The following HOMER1 variants were observed in gnomAD, a reference collection of about 807,000 sequenced individuals.
HOMER1 encodes the protein homer protein homolog 1.
In HOMER1, 3 loss-of-function variants were observed where a neutral mutation model predicts 48.9. The ratio of observed to expected loss-of-function variants is 0.06; its 90% CI spans 0.03 to 0.16. HOMER1 has a LOEUF of 0.16. HOMER1 is among the 10% of genes least tolerant of loss of function. HOMER1 has a pLI of 1.00. For synonymous variants in HOMER1, 134 were observed against 146.4 expected (o/e 0.92, Z 0.61); for missense variants, 247 against 411.4 (o/e 0.60, Z 3.46).
Position 79,491,075 on chromosome 5 carries a change from C to CAAAAAAAAAAAAAAAAA in HOMER1, c.5+21678_5+21694dup, listed in dbSNP as rs10527802. Among the ~76,000 whole-genome samples the CAAAAAAAAAAAAAAAAA allele has an allele frequency of 2.4e-4, 9 of 37,250 alleles. 1 individual carries two copies. The highest frequency in any genetic ancestry group is 5.5e-4 in the Non-Finnish European group (7 of 12,692). The allele number at this position is 37,250 out of a possible 152,430, so 24.4% of individuals were successfully genotyped here. On this transcript the variant is annotated intron_variant, in intron 1 of 8. Transcript: ENST00000334082. The stretch of plus-strand genomic sequence containing the variant: ...TTTTTGGCCTTCAGTAGTACCAAAG[C>CAAAAAAAAAAAAAAAAA]AAAAAAAAAAAAAAAAAAAAAAAAA...
rs575744848 is a variant in HOMER1, at chr5:79,415,538, C to G, written c.528-13483G>C. 4.6e-5 allele frequency among the ~76,000 whole-genome samples: 7 copies of G among 152,130 alleles called. No homozygotes were observed. The South Asian group carries it at 1.5e-3, about 32-fold the overall frequency. ...ATATATTACATGTGTACAAAAGAGG[C>G]TGATATTAAAATCTATGTCCACGTA... On this transcript the variant is annotated intron_variant, in intron 5 of 8. Transcript: ENST00000334082.
At chr5:79,392,903 C>T (rs537538492) in intron 8 of HOMER1, among the ~76,000 whole-genome samples, 6 of 149,576 alleles carry the variant, frequency 4.0e-5, no homozygotes, top group African/African-American at 1.5e-4. Context: ...GATACAAATA[C>T]ATGAATACTT....
intron 2 of HOMER1, among the ~76,000 whole-genome samples, chr5:79,456,443 G>C (rs964630387): frequency 2.0e-5 from 3 of 152,178 alleles, no homozygotes; most frequent in Non-Finnish European, 2.9e-5. Flanking sequence ...GTCAGCTTTA[G>C]TATTGACACT....
chr5:79,477,266 G>A lies in HOMER1; in HGVS notation c.6-20248C>T, dbSNP rs149836899. On this transcript the variant is annotated intron_variant, in intron 1 of 8. Coordinates refer to ENST00000334082, the MANE Select transcript of HOMER1 (RefSeq NM_004272.5). ...TGACGTTAAGAATTAGTTATAATCC[G>A]GAAACTATTTATTGGACAATTTGCT... Among the ~76,000 whole-genome samples, 120 of 152,266 alleles carry A rather than the reference G, an allele frequency of 7.9e-4. 1 individual carries two copies. The East Asian group carries it at 0.011, about 14-fold the overall frequency.
chr5:79,489,868 G>A (rs1220206642), intron 1 of HOMER1, among the ~76,000 whole-genome samples: 1 of 152,152 alleles, frequency 6.6e-6, no homozygotes, highest in Admixed American at 6.5e-5. Context: ...ATTTCACTCT[G>A]ATGCTTAGAA....
At chr5:79,506,047 AAAATT>A (rs938351590) in intron 1 of HOMER1, among the ~76,000 whole-genome samples, 2 of 152,154 alleles carry the variant, frequency 1.3e-5, no homozygotes, top group Non-Finnish European at 2.9e-5. Flanking sequence ...GCAGACAAAA[AAAATT>A]AAATTAATTC....
chr5:79,502,957 A>AG (rs1554064184), intron 1 of HOMER1, among the ~76,000 whole-genome samples: 1 of 149,478 alleles, frequency 6.7e-6, no homozygotes, highest in African/African-American at 2.5e-5. Flanking sequence ...CGCCCGGCTA[A>AG]TTTTTTGTAT....
At chr5:79,411,342 G>A (rs555516079) in intron 5 of HOMER1, among the ~76,000 whole-genome samples, 8 of 152,094 alleles carry the variant, frequency 5.3e-5, no homozygotes, top group African/African-American at 1.4e-4. Context: ...AAAATTAGCC[G>A]GGCGTGGTGG....
At chr5:79,388,056 T>C (rs1008336033) in intron 8 of HOMER1, among the ~76,000 whole-genome samples, 4 of 152,054 alleles carry the variant, frequency 2.6e-5, no homozygotes, top group Non-Finnish European at 4.4e-5. Flanking sequence ...GGGCTCAGAC[T>C]AAACTACGGT....
At chr5:79,442,807 AAAG>A (rs1750771902) in intron 4 of HOMER1, among the ~76,000 whole-genome samples, 2 of 152,320 alleles carry the variant, frequency 1.3e-5, no homozygotes, top group Middle Eastern at 6.8e-3. Context: ...GTGAGAATGG[AAAG>A]AAGACAGCAA....
At chr5:79,408,887 A>C (rs1749739687) in intron 5 of HOMER1, among the ~76,000 whole-genome samples, 1 of 151,998 alleles carries the variant, frequency 6.6e-6, no homozygotes, top group South Asian at 2.1e-4. Flanking sequence ...GTTTGAGAAC[A>C]GAATGGCCAA....
At position 79,465,584 on chromosome 5, in the gene HOMER1, C is replaced by CTTTTTTTTTTTT. The variant is rs10666507; in HGVS notation, c.6-8578_6-8567dup. ...AGTAACAGTACTGTTTACATTTCTT[C>CTTTTTTTTTTTT]TTTTTTTTTTTTTTTTTTTTTTTTT... On this transcript the variant is annotated intron_variant, in intron 1 of 8. Coordinates refer to ENST00000334082, the MANE Select transcript of HOMER1 (RefSeq NM_004272.5). Among the ~76,000 whole-genome samples the CTTTTTTTTTTTT allele has an allele frequency of 3.7e-3, 290 of 77,902 alleles. 50 individuals are homozygous for CTTTTTTTTTTTT. The highest frequency in any genetic ancestry group is 0.014 in the African/African-American group (239 of 16,492). The allele number at this position is 77,902 out of a possible 152,430, so 51.1% of individuals were successfully genotyped here. A position where few individuals can be genotyped will look rare whatever the true frequency, so the allele number is the denominator to read the frequency against.
At chr5:79,449,503 T>A (rs761169406) in intron 3 of HOMER1, among the ~76,000 whole-genome samples, 1 of 152,188 alleles carries the variant, frequency 6.6e-6, no homozygotes, top group Non-Finnish European at 1.5e-5. Flanking sequence ...GACAGAGTCT[T>A]GCTCTGTCAC....
At chr5:79,484,656 TA>T (rs1380575567) in intron 1 of HOMER1, among the ~76,000 whole-genome samples, 1 of 152,178 alleles carries the variant, frequency 6.6e-6, no homozygotes, top group Non-Finnish European at 1.5e-5. Flanking sequence ...AAGACCACCT[TA>T]AAAATCATTT....
intron 6 of HOMER1, among the ~76,000 whole-genome samples, chr5:79,398,956 A>T (rs995333955): frequency 5.9e-5 from 9 of 152,222 alleles, no homozygotes; most frequent in Non-Finnish European, 8.8e-5. Context: ...TATCTGCTCA[A>T]GTCTTCAAGG....
intron 8 of HOMER1, among the ~76,000 whole-genome samples, chr5:79,387,075 ATCTCTCTCTCTC>A (rs111457551): frequency 1.5e-4 from 17 of 113,722 alleles, no homozygotes; most frequent in African/African-American, 5.2e-4. Flanking sequence ...TTCTTTCTCT[ATCTCTCTCTCTC>A]TCTCTCTCTC....
intron 1 of HOMER1, among the ~76,000 whole-genome samples, chr5:79,511,490 G>A (rs1752940212): frequency 6.6e-6 from 1 of 152,160 alleles, no homozygotes; most frequent in African/African-American, 2.4e-5. Context: ...TTACAGGTAA[G>A]AAATAGAGTC....
chr5:79,400,450 G>T (rs1447876730), intron 6 of HOMER1, among the ~76,000 whole-genome samples: 2 of 149,798 alleles, frequency 1.3e-5, no homozygotes, highest in East Asian at 3.9e-4. Flanking sequence ...TCTGCCTCCT[G>T]GGCTCAAGTG....
chr5:79,439,443 T>C (rs1045729850), intron 4 of HOMER1, among the ~76,000 whole-genome samples: 4 of 152,158 alleles, frequency 2.6e-5, no homozygotes, highest in African/African-American at 9.7e-5. Context: ...AATTTAAAAA[T>C]GTTTGGTTTA....
Sources: gnomAD v4.1 joint callset for allele counts (sites outside exome capture counted in the v4.1 genomes callset) on GRCh38, gnomAD v4.1.1 for gene constraint, MANE v1.5 for transcripts, NCBI Gene and HGNC (gene_info 2026-07-23, HGNC 2026-07-21) for gene names.